Variants in DOK7 observed in about 807,000 individuals in gnomAD.
The protein encoded by DOK7 is docking protein 7.
Under a neutral mutation model 30.7 loss-of-function variants are expected in DOK7, and 32 were observed. That is an observed-to-expected ratio of 1.04 (90% confidence interval 0.79 to 1.40). DOK7 has a LOEUF of 1.40. Ranked by LOEUF, DOK7 falls within the 40% of genes most tolerant of loss-of-function variation. The pLI is 0.00. For synonymous variants in DOK7, 447 were observed against 324.1 expected (o/e 1.38, Z -4.07); for missense variants, 1,007 against 699.2 (o/e 1.44, Z -4.97).
At chr4:3,490,106 A>ACCCCCTCATTCATTCCTTTCTTCC (rs1398854144) in intron 6 of DOK7, among the ~76,000 whole-genome samples, 2 of 23,712 alleles carry the variant, frequency 8.4e-5, no homozygotes, top group Non-Finnish European at 1.4e-4. Flanking sequence ...TCCTTTCTTC[A>ACCCCCTCATTCATTCCTTTCTTCC]CCCCCATTCA....
downstream of DOK7, among the ~76,000 whole-genome samples, chr4:3,498,137 G>A (rs1729014080): frequency 2.0e-5 from 3 of 152,208 alleles, no homozygotes; most frequent in South Asian, 6.2e-4. Flanking sequence ...CGGGGTCTGG[G>A]AGGAGAGTGC....
intron 2 of DOK7, among the ~76,000 whole-genome samples, chr4:3,471,576 G>A (rs928070271): frequency 3.3e-5 from 5 of 152,272 alleles, no homozygotes; most frequent in Admixed American, 1.3e-4. Context: ...CGGCCCTGGG[G>A]CCCCCGTCCT....
chr4:3,488,679 C>T (rs543271226), intron 5 of DOK7, among the ~76,000 whole-genome samples: 40 of 152,296 alleles, frequency 2.6e-4, no homozygotes, highest in Non-Finnish European at 5.4e-4. Context: ...GGACCTGTTT[C>T]GGCTCAGTCC....
intron 4 of DOK7, among the ~76,000 whole-genome samples, chr4:3,482,642 C>T (rs1045988866): frequency 1.3e-5 from 2 of 152,280 alleles, no homozygotes; most frequent in African/African-American, 4.8e-5. Context: ...GGCTTTGCTG[C>T]AGTCACACCT....
chr4:3,481,114 TGGA>T (rs1020066185), intron 4 of DOK7, among the ~76,000 whole-genome samples: 1 of 148,438 alleles, frequency 6.7e-6, no homozygotes, highest in Non-Finnish European at 1.5e-5. Flanking sequence ...GGCGTGAGGG[TGGA>T]GGAGGAGGAG....
chr4:3,492,209 G>A (rs771012754), intron 6 of DOK7, among the ~76,000 whole-genome samples: 14 of 152,278 alleles, frequency 9.2e-5, no homozygotes, highest in Middle Eastern at 3.4e-3. Context: ...CTCATCCCCC[G>A]CAGGGAGGGA....
intron 2 of DOK7, among the ~76,000 whole-genome samples, chr4:3,470,860 T>C (rs1041242090): frequency 1.3e-5 from 2 of 152,232 alleles, no homozygotes; most frequent in Non-Finnish European, 2.9e-5. Flanking sequence ...TGTAACTTGT[T>C]GAACAAAGGA....
intron 4 of DOK7, among the ~76,000 whole-genome samples, chr4:3,480,763 T>TGTCA (rs1360064317): frequency 6.6e-6 from 1 of 152,256 alleles, no homozygotes; most frequent in Non-Finnish European, 1.5e-5. Context: ...CCCTGGCCTC[T>TGTCA]GTCAGGCAGC....
intron 6 of DOK7, among the ~76,000 whole-genome samples, chr4:3,491,464 TTCTC>T (rs1455108891): frequency 6.7e-6 from 1 of 149,734 alleles, no homozygotes. Context: ...CCTACTCAAT[TTCTC>T]TCTCACTCAT....
chr4:3,473,388 C>A lies in DOK7; in HGVS notation c.101-18C>A. The A allele has an allele frequency of 1.2e-6, 2 of 1,609,768 alleles. No homozygotes were observed. Among genetic ancestry groups the A allele is most frequent in the African/African-American group, 1.3e-5 (1 of 74,982 alleles). The stretch of plus-strand genomic sequence containing the variant: ...AGGCGGTGTTGGCTGGCGTCCCTGA[C>A]GGCCACGCTCCTTGCAGACTGCCTG... On this transcript the variant is annotated intron_variant, in intron 2 of 6. Coordinates refer to ENST00000340083, the MANE Select transcript of DOK7 (RefSeq NM_173660.5).
chr4:3,478,697 G>A (rs1338068830), intron 4 of DOK7, among the ~76,000 whole-genome samples: 4 of 139,122 alleles, frequency 2.9e-5, no homozygotes, highest in African/African-American at 5.3e-5. Context: ...TTCGGTCACC[G>A]ACGGCTGCAC....
Position 3,493,912 on chromosome 4 carries a change from C to A in DOK7, c.*411C>A. The A allele has an allele frequency of 1.9e-6, 2 of 1,054,432 alleles. No homozygotes were observed. The highest frequency in any genetic ancestry group is 2.3e-6 in the Non-Finnish European group (2 of 875,206). 65.3% of individuals were successfully genotyped at this position (1,054,432 alleles called of 1,614,324 possible). A position where few individuals can be genotyped will look rare whatever the true frequency, so the allele number is the denominator to read the frequency against. ...TTCGGGGGTGGCCGGTTCTCCCCAT[C>A]ACCTCTCTGGGGCAGTCACACCACC... On this transcript the variant is annotated 3_prime_UTR_variant, in exon 7 of 7. Coordinates refer to ENST00000340083, the MANE Select transcript of DOK7 (RefSeq NM_173660.5).
intron 4 of DOK7, 36 bp from the exon 5 acceptor site, chr4:3,485,503 G>C (rs775107883): frequency 1.3e-6 from 2 of 1,504,014 alleles, no homozygotes; most frequent in Non-Finnish European, 8.9e-7. Context: ...GCCCGCCCTC[G>C]GGCCAGACTG....
Position 3,490,933 on chromosome 4 carries a change from T to C in DOK7, c.772+1137T>C, listed in dbSNP as rs201030389. Among the ~76,000 whole-genome samples the C allele has an allele frequency of 4.0e-4, 36 of 91,054 alleles. 1 individual carries two copies. The East Asian group carries it at 6.4e-3, about 16-fold the overall frequency. The allele number at this position is 91,054 out of a possible 152,430, so 59.7% of individuals were successfully genotyped here. On this transcript the variant is annotated intron_variant, in intron 6 of 6. Transcript: ENST00000340083. Reference sequence around the variant, plus strand: ...CTCTGCTCATTCATTCCTTCCTTCTTCCCCTGCTCATTCATTCCTTCTCCC... The same window carrying C: ...CTCTGCTCATTCATTCCTTCCTTCTCCCCCTGCTCATTCATTCCTTCTCCC...
rs1354582079 is a variant in DOK7, at chr4:3,491,195, ATTCCTTCCCCCCTGC to A, written c.772+1401_772+1415del. On this transcript the variant is annotated intron_variant, in intron 6 of 6. Transcript: ENST00000340083. ...CTCATTCATTCCTTCCCCCCTGCTC[ATTCCTTCCCCCCTGC>A]TCATTCCTTCCTTCTCCCGCTGCTC... 2.9e-3 allele frequency among the ~76,000 whole-genome samples: 39 copies of A among 13,598 alleles called. No homozygotes were observed. In the East Asian group the frequency reaches 0.32, roughly 111 times the overall value. 8.9% of individuals were successfully genotyped at this position (13,598 alleles called of 152,430 possible).
chr4:3,485,026 T>A (rs1727675651), intron 4 of DOK7, among the ~76,000 whole-genome samples: 1 of 152,158 alleles, frequency 6.6e-6, no homozygotes, highest in Non-Finnish European at 1.5e-5. Context: ...GTCTCCTGGC[T>A]GCTTCATTTG....
chr4:3,476,078 C>T (rs1472346544), intron 3 of DOK7, among the ~76,000 whole-genome samples: 4 of 150,544 alleles, frequency 2.7e-5, no homozygotes, highest in East Asian at 1.9e-4. Context: ...TGCCTCCTCC[C>T]GAGATGCCCT....
chr4:3,479,784 G>A (rs927102413), intron 4 of DOK7, among the ~76,000 whole-genome samples: 6 of 152,240 alleles, frequency 3.9e-5, no homozygotes, highest in Non-Finnish European at 8.8e-5. Flanking sequence ...GTGGACAGCT[G>A]CCTGTTCAGA....
chr4:3,482,267 G>A (rs74452865), intron 4 of DOK7, among the ~76,000 whole-genome samples: 4,478 of 152,300 alleles, frequency 0.029, 215 homozygotes, highest in African/African-American at 0.1. Context: ...GGATCTGGAC[G>A]GGGCTCAGTG....
Sources: allele counts gnomAD v4.1 joint callset (sites outside exome capture counted in the v4.1 genomes callset), GRCh38; gene constraint gnomAD v4.1.1; transcripts MANE v1.5; gene names NCBI Gene and HGNC (gene_info 2026-07-23, HGNC 2026-07-21).